PTPRD: variants seen among roughly 807,000 people sequenced by gnomAD.
PTPRD encodes the protein receptor-type tyrosine-protein phosphatase delta.
A neutral mutation model predicts 214.5 loss-of-function variants in PTPRD; 34 were observed. The ratio of observed to expected loss-of-function variants is 0.16; its 90% CI spans 0.12 to 0.21. The LOEUF is 0.21. PTPRD is among the 10% of genes least tolerant of loss of function. PTPRD has a pLI of 1.00. For missense variants in PTPRD, 2,545 were observed against 2,398.7 expected (o/e 1.06, Z -1.27); for synonymous variants, 1,128 against 845.7 (o/e 1.33, Z -5.79).
chr9:9,272,892 G>A (rs1943512252), intron 9 of PTPRD, among the ~76,000 whole-genome samples: 1 of 151,310 alleles, frequency 6.6e-6, no homozygotes, highest in South Asian at 2.1e-4. Context: ...ATTTTCAGGG[G>A]AAACAGCAAC....
chr9:9,913,677 C>A lies in PTPRD; in HGVS notation c.-368+24830G>T, dbSNP rs115351137. ...TGCCAGGAAAAGGTAAGCAGAAGAA[C>A]CCCACAAGCCCCATTGCCTATGTAA... On this transcript the variant is annotated intron_variant, in intron 5 of 45. Coordinates refer to ENST00000381196, the MANE Select transcript of PTPRD (RefSeq NM_002839.4). Among the ~76,000 whole-genome samples the A allele has an allele frequency of 7.8e-3, 1,192 of 152,218 alleles. 10 individuals are homozygous for A. Among genetic ancestry groups the A allele is most frequent in the African/African-American group, 0.027 (1,119 of 41,528 alleles).
intron 5 of PTPRD, among the ~76,000 whole-genome samples, chr9:9,797,248 T>TTTC (rs2099008667): frequency 6.7e-6 from 1 of 150,262 alleles, no homozygotes; most frequent in East Asian, 1.9e-4. Flanking sequence ...AGGCAGTTTT[T>TTTC]TTTTTTTTTT....
intron 11 of PTPRD, among the ~76,000 whole-genome samples, chr9:8,833,713 T>TAC (rs1304244416): frequency 0.02 from 2,428 of 123,554 alleles, 27 homozygotes; most frequent in Non-Finnish European, 0.026. Context: ...TATATATATA[T>TAC]ATACACACAC....
At chr9:8,348,713 T>C (rs1367692623) in intron 39 of PTPRD, among the ~76,000 whole-genome samples, 1 of 152,138 alleles carries the variant, frequency 6.6e-6, no homozygotes, top group Non-Finnish European at 1.5e-5. Flanking sequence ...TAGTTCAAAT[T>C]AAACATGTTT....
chr9:10,294,164 C>T (rs1360111882), intron 3 of PTPRD, among the ~76,000 whole-genome samples: 1 of 151,928 alleles, frequency 6.6e-6, no homozygotes, highest in Non-Finnish European at 1.5e-5. Context: ...TCAGTAAACA[C>T]TGCCCAAAAA....
At chr9:9,030,823 T>G (rs1489142415) in intron 10 of PTPRD, among the ~76,000 whole-genome samples, 3 of 152,004 alleles carry the variant, frequency 2.0e-5, no homozygotes, top group African/African-American at 4.8e-5. Flanking sequence ...TACTCTAGAT[T>G]GCAATTTATA....
At chr9:10,397,360 G>C (rs981026704) in intron 2 of PTPRD, among the ~76,000 whole-genome samples, 1 of 151,960 alleles carries the variant, frequency 6.6e-6, no homozygotes, top group Non-Finnish European at 1.5e-5. Context: ...CAAGTAACTA[G>C]GTCATGAAAG....
chr9:8,815,553 T>C lies in PTPRD; in HGVS notation c.-103-81607A>G, dbSNP rs183968645. Reference sequence around the variant, plus strand: ...TCAAAATAAAACAAAAACTCCAATATAATCATGTCACATTATTATATACAA... The same window carrying C: ...TCAAAATAAAACAAAAACTCCAATACAATCATGTCACATTATTATATACAA... On this transcript the variant is annotated intron_variant, in intron 11 of 45. Coordinates refer to ENST00000381196, the MANE Select transcript of PTPRD (RefSeq NM_002839.4). 2.6e-3 allele frequency among the ~76,000 whole-genome samples: 398 copies of C among 152,292 alleles called. 11 individuals carry two copies. Among genetic ancestry groups the C allele is most frequent in the Admixed American group, 0.025 (380 of 15,284 alleles).
intron 8 of PTPRD, among the ~76,000 whole-genome samples, chr9:9,487,150 G>C (rs1414749284): frequency 1.3e-5 from 2 of 152,040 alleles, no homozygotes; most frequent in Non-Finnish European, 2.9e-5. Context: ...ATGTTGGTGT[G>C]CTGCACCCAT....
chr9:10,571,594 T>G (rs1370107996), intron 2 of PTPRD, among the ~76,000 whole-genome samples: 1 of 152,198 alleles, frequency 6.6e-6, no homozygotes, highest in African/African-American at 2.4e-5. Context: ...AAAGTGGTCA[T>G]GACCACCATC....
intron 8 of PTPRD, among the ~76,000 whole-genome samples, chr9:9,401,165 T>C (rs1012475380): frequency 1.3e-5 from 2 of 152,052 alleles, no homozygotes; most frequent in African/African-American, 4.8e-5. Flanking sequence ...TGCAAATAGG[T>C]ACCCATTCTG....
chr9:9,664,621 A>G (rs368364914), intron 7 of PTPRD, among the ~76,000 whole-genome samples: 8 of 151,704 alleles, frequency 5.3e-5, no homozygotes, highest in African/African-American at 1.7e-4. Flanking sequence ...TAGACAATTC[A>G]TTTTACTAGG....
intron 8 of PTPRD, among the ~76,000 whole-genome samples, chr9:9,422,274 C>T (rs1288807736): frequency 6.6e-6 from 1 of 152,032 alleles, no homozygotes; most frequent in South Asian, 2.1e-4. Flanking sequence ...AGCTAAGGTC[C>T]CAGTTCTGTA....
chr9:9,151,689 G>A lies in PTPRD; in HGVS notation c.-143+31615C>T, dbSNP rs565373551. 3.0e-4 allele frequency among the ~76,000 whole-genome samples: 46 copies of A among 152,280 alleles called. No individual in the cohort carries two copies. The South Asian group carries it at 9.3e-3, about 31-fold the overall frequency. ...TACGTTTTTAATGCAAAATGCTCCGGTTGTTGATGAGACAGGTTTTGTTTT... is the reference window on the plus strand; with the variant it reads ...TACGTTTTTAATGCAAAATGCTCCGATTGTTGATGAGACAGGTTTTGTTTT... On this transcript the variant is annotated intron_variant, in intron 10 of 45. Coordinates refer to ENST00000381196, the MANE Select transcript of PTPRD (RefSeq NM_002839.4).
rs1301670596 is a variant in PTPRD at position 9,039,579 on chromosome 9, T to C, written c.-142-20844A>G. ...TGTCTACACCTTTCTGCTACAAGAG[T>C]TGATCAGACACAGTTGTAATAGAAA... On this transcript the variant is annotated intron_variant, in intron 10 of 45. Coordinates refer to ENST00000381196, the MANE Select transcript of PTPRD (RefSeq NM_002839.4). Among the ~76,000 whole-genome samples, 3 of 152,094 alleles carry C rather than the reference T, an allele frequency of 2.0e-5. No homozygotes were observed. The East Asian group carries it at 5.8e-4, about 29-fold the overall frequency.
chr9:10,283,832 T>C (rs1416351900), intron 3 of PTPRD, among the ~76,000 whole-genome samples: 1 of 152,184 alleles, frequency 6.6e-6, no homozygotes, highest in African/African-American at 2.4e-5. Flanking sequence ...TGTGTGCAGA[T>C]CTTTTAGTTA....
intron 7 of PTPRD, among the ~76,000 whole-genome samples, chr9:9,615,383 G>A (rs953168942): frequency 3.3e-5 from 5 of 152,154 alleles, no homozygotes; most frequent in Non-Finnish European, 5.9e-5. Context: ...TGTTTGTGAA[G>A]CAGCACCAGA....
At position 9,833,689 on chromosome 9, in the gene PTPRD, G is replaced by GA. The variant is rs1565616343; in HGVS notation, c.-367-66839_-367-66838insT. Among the ~76,000 whole-genome samples, 80 of 146,450 alleles carry GA rather than the reference G, an allele frequency of 5.5e-4. 1 individual carries two copies. The highest frequency in any genetic ancestry group is 1.6e-3 in the Admixed American group (23 of 14,174). ...AGACAGGTACGCTCCGGAGAGGGGG[G>GA]CAGTTCAGAGACCTACCCCTAGGTG... On this transcript the variant is annotated intron_variant, in intron 5 of 45. Coordinates refer to ENST00000381196, the MANE Select transcript of PTPRD (RefSeq NM_002839.4).
chr9:9,400,860 T>C (rs1164931244), intron 8 of PTPRD, among the ~76,000 whole-genome samples: 1 of 152,086 alleles, frequency 6.6e-6, no homozygotes, highest in African/African-American at 2.4e-5. Context: ...TGCAAATTTA[T>C]TCAAATAACC....
Sources: gnomAD v4.1 joint callset for allele counts (sites outside exome capture counted in the v4.1 genomes callset) on GRCh38, gnomAD v4.1.1 for gene constraint, MANE v1.5 for transcripts, NCBI Gene and HGNC (gene_info 2026-07-23, HGNC 2026-07-21) for gene names.